Variants in CLCN5 observed in about 807,000 individuals in gnomAD.
CLCN5 encodes H(+)/Cl(-) exchange transporter 5.
CLCN5 carries 17 observed loss-of-function variants against 54.0 expected under a neutral mutation model. That is an observed-to-expected ratio of 0.31 (90% CI 0.22 to 0.47). The LOEUF (loss-of-function observed/expected upper bound fraction) is 0.47, where lower values mean the gene tolerates loss of function less well. Among genes scored for constraint, CLCN5 ranks in the 20% least tolerant of loss-of-function variants. The probability of loss-of-function intolerance (pLI) is 1.00; values close to 1 mark genes in which losing one functional copy is unlikely to be tolerated. For synonymous variants in CLCN5, 222 were observed against 233.0 expected (o/e 0.95, Z 0.43); for missense variants, 448 against 646.7 (o/e 0.69, Z 3.33).
At position 49,980,136 on chromosome X, in the gene CLCN5, C is replaced by T. The variant is rs193190955; in HGVS notation, c.16+54822C>T. 6.3e-5 allele frequency among the ~76,000 whole-genome samples: 7 copies of T among 110,873 alleles called. No homozygotes were observed. In the East Asian group the frequency reaches 2.0e-3, roughly 31 times the overall value. The stretch of plus-strand genomic sequence containing the variant: ...TGCTGAATTATATGTCTATATATGT[C>T]TCCCTTAATTTTACACTACAGTGTT... On this transcript the variant is annotated intron_variant, in intron 3 of 14. Transcript: ENST00000376091.
At chrX:49,952,510 C>T (rs1362527183) in intron 3 of CLCN5, among the ~76,000 whole-genome samples, 4 of 98,711 alleles carry the variant, frequency 4.1e-5, no homozygotes, top group Non-Finnish European at 8.4e-5. Flanking sequence ...TTTTTTTTTT[C>T]CAGTTGTTTG....
chrX:50,042,745 G>A (rs1197213014), intron 4 of CLCN5, among the ~76,000 whole-genome samples: 1 of 111,205 alleles, frequency 9.0e-6, no homozygotes, highest in East Asian at 2.8e-4. Flanking sequence ...ATGATGTCAT[G>A]TACATGGAAT....
chrX:50,028,015 C>T (rs1381020024), intron 3 of CLCN5, among the ~76,000 whole-genome samples: 7 of 111,617 alleles, frequency 6.3e-5, no homozygotes, highest in African/African-American at 2.3e-4. Context: ...TGTTATTATA[C>T]AGGATCTCTA....
At chrX:49,965,491 T>C (rs1557175316) in intron 3 of CLCN5, among the ~76,000 whole-genome samples, 1 of 112,211 alleles carries the variant, frequency 8.9e-6, no homozygotes, top group East Asian at 2.8e-4. Context: ...TTTTGCAATG[T>C]GCTAAACTCA....
At chrX:49,994,606 A>C (rs1929421058) in intron 3 of CLCN5, among the ~76,000 whole-genome samples, 1 of 111,863 alleles carries the variant, frequency 8.9e-6, no homozygotes, top group African/African-American at 3.3e-5. Flanking sequence ...ATGCAAAGTT[A>C]GAATCTCATT....
intron 3 of CLCN5, among the ~76,000 whole-genome samples, chrX:49,997,415 G>A (rs782668445): frequency 9.9e-5 from 11 of 111,286 alleles, no homozygotes; most frequent in Non-Finnish European, 2.1e-4. Flanking sequence ...CCTGTTGTAA[G>A]TTCCCACCCT....
At chrX:49,997,397 C>T (rs187687619) in intron 3 of CLCN5, among the ~76,000 whole-genome samples, 2 of 111,552 alleles carry the variant, frequency 1.8e-5, no homozygotes, top group African/African-American at 6.5e-5. Flanking sequence ...TCTTGCCCCC[C>T]ACTTGTCCCT....
rs782009114 is a variant in CLCN5, at chrX:49,944,063, A to G, written c.16+18749A>G. 4.5e-5 allele frequency among the ~76,000 whole-genome samples: 5 copies of G among 111,524 alleles called. No homozygotes were observed. In the South Asian group the frequency reaches 1.9e-3, roughly 42 times the overall value. Reference sequence around the variant, plus strand: ...ATGGAATGTTCTTCCATTTGTTTGTATCCTCTTTTATTTCGTTGAGCATTA... The same window carrying G: ...ATGGAATGTTCTTCCATTTGTTTGTGTCCTCTTTTATTTCGTTGAGCATTA... On this transcript the variant is annotated intron_variant, in intron 3 of 14. Coordinates refer to ENST00000376091, the MANE Select transcript of CLCN5 (RefSeq NM_001127898.4).
chrX:49,972,370 TGTAA>T (rs1928267382), intron 3 of CLCN5, among the ~76,000 whole-genome samples: 1 of 111,718 alleles, frequency 9.0e-6, no homozygotes, highest in African/African-American at 3.3e-5. Flanking sequence ...TCTGTTTTTG[TGTAA>T]GTTTTATATT....
At chrX:49,949,752 A>G (rs905227469) in intron 3 of CLCN5, among the ~76,000 whole-genome samples, 13 of 111,793 alleles carry the variant, frequency 1.2e-4, no homozygotes, top group African/African-American at 3.9e-4. Context: ...AGGGGTGTAA[A>G]TGAGTTGCCT....
At chrX:49,931,571 CA>C (rs1436740665) in intron 3 of CLCN5, among the ~76,000 whole-genome samples, 1 of 110,419 alleles carries the variant, frequency 9.1e-6, no homozygotes, top group Non-Finnish European at 1.9e-5. Flanking sequence ...ATGATAGTTC[CA>C]AACAGTATAA....
intron 3 of CLCN5, among the ~76,000 whole-genome samples, chrX:49,952,440 A>G (rs950338819): frequency 1.3e-4 from 14 of 110,446 alleles, no homozygotes; most frequent in Non-Finnish European, 2.5e-4. Flanking sequence ...CTATACCCTT[A>G]AGTAGGAAGG....
At chrX:50,077,910 G>A (rs1194124998) in intron 7 of CLCN5, among the ~76,000 whole-genome samples, 6 of 98,854 alleles carry the variant, frequency 6.1e-5, no homozygotes, top group Admixed American at 1.2e-4. Flanking sequence ...CACCTGTAAT[G>A]CCAGCTACTC....
intron 7 of CLCN5, among the ~76,000 whole-genome samples, chrX:50,079,760 G>C (rs1557192742): frequency 9.0e-6 from 1 of 111,175 alleles, no homozygotes; most frequent in African/African-American, 3.3e-5. Context: ...AACAGAACCA[G>C]AGAGCAGAAT....
rs782463557 is a variant in CLCN5, at chrX:49,992,647, C to T, written c.17-49669C>T. 6.3e-5 allele frequency among the ~76,000 whole-genome samples: 7 copies of T among 111,663 alleles called. No homozygotes were observed. In the South Asian group the frequency reaches 1.5e-3, roughly 24 times the overall value. On this transcript the variant is annotated intron_variant, in intron 3 of 14. Coordinates refer to ENST00000376091, the MANE Select transcript of CLCN5 (RefSeq NM_001127898.4). ...TCGCTAGGACAATATGCTGAGTGTTCGGCATGTTGTTTTCTTTATTTTTTC... is the reference window on the plus strand; with the variant it reads ...TCGCTAGGACAATATGCTGAGTGTTTGGCATGTTGTTTTCTTTATTTTTTC...
intron 3 of CLCN5, among the ~76,000 whole-genome samples, chrX:49,971,735 A>G (rs1557176233): frequency 1.8e-5 from 2 of 111,844 alleles, no homozygotes; most frequent in Non-Finnish European, 3.8e-5. Flanking sequence ...GGAAAGTGGT[A>G]AGGAAGTAGT....
chrX:50,081,921 T>C, intron 9 of CLCN5, 74 bp downstream of exon 9: 3 of 944,511 alleles, frequency 3.2e-6, no homozygotes, highest in Non-Finnish European at 4.5e-6. Context: ...GGTGAGAATT[T>C]GAGAGTTCTA....
intron 3 of CLCN5, among the ~76,000 whole-genome samples, chrX:49,989,609 C>T (rs782078447): frequency 3.0e-4 from 34 of 111,903 alleles, no homozygotes; most frequent in African/African-American, 1.1e-3. Context: ...TACAGAGCAC[C>T]TACTTTCCAA....
rs782057466 is a variant in CLCN5 at position 50,072,551 on chromosome X, C to T, written c.378C>T (p.Ser126=). 1.7e-5 allele frequency: 20 copies of T among 1,205,806 alleles called. No individual in the cohort carries two copies. The highest frequency in any genetic ancestry group is 1.8e-5 in the Non-Finnish European group (16 of 891,842). The part of the protein sequence containing the change: ...ALIHSVSDAF[S]GWLLMLLIGL... ...TTCACAGTGTGAGTGATGCTTTTTC[C>T]GGCTGGTTGTTGATGCTCCTTATTG... Residue 126 remains serine (S), a synonymous_variant, in exon 6 of 15, where the codon TCC becomes TCT. Transcript: ENST00000376091.
Sources: gnomAD v4.1 joint callset for allele counts (sites outside exome capture counted in the v4.1 genomes callset) on GRCh38, gnomAD v4.1.1 for gene constraint, MANE v1.5 for transcripts, NCBI Gene and HGNC (gene_info 2026-07-23, HGNC 2026-07-21) for gene names.